SPATA31H1: variants seen among roughly 807,000 people sequenced by gnomAD.
SPATA31H1 encodes the protein spermatogenesis-associated protein 31H1.
the SPATA31H1 span, among the ~76,000 whole-genome samples, chr2:27,544,851 A>G: frequency 6.6e-6 from 1 of 151,868 alleles, no homozygotes; most frequent in South Asian, 2.1e-4. Context: ...TCCGGCCGAC[A>G]ACAACAAATT....
At chr2:27,573,253 G>A in the SPATA31H1 span, 1,707 of 398,096 alleles carry the variant, frequency 4.3e-3, 22 homozygotes, top group African/African-American at 0.032. Flanking sequence ...TTGCAGAAAG[G>A]GAAAATTCTG....
At chr2:27,578,818 A>T in the SPATA31H1 span, 1 of 1,614,154 alleles carries the variant, frequency 6.2e-7, no homozygotes, top group Non-Finnish European at 8.5e-7. Flanking sequence ...ACAGCATCTG[A>T]ATTAGGAGGA....
chr2:27,581,540 T>A, the SPATA31H1 span: 1 of 1,546,492 alleles, frequency 6.5e-7, no homozygotes, highest in Non-Finnish European at 8.8e-7. Flanking sequence ...GCCATCGCAG[T>A]CCCTCAGAGA....
the SPATA31H1 span, chr2:27,582,406 TC>T: frequency 1.7e-5 from 27 of 1,614,066 alleles, no homozygotes; most frequent in Non-Finnish European, 2.3e-5. Context: ...AAGTACAGTT[TC>T]CCTGGAGAGA....
chr2:27,543,141 G>T, the SPATA31H1 span, among the ~76,000 whole-genome samples: 7 of 151,952 alleles, frequency 4.6e-5, no homozygotes, highest in African/African-American at 1.7e-4. Context: ...AAAGCTAATT[G>T]TGTCACTCTG....
At chr2:27,581,484 C>A in the SPATA31H1 span, 1 of 1,612,538 alleles carries the variant, frequency 6.2e-7, no homozygotes, top group Non-Finnish European at 8.5e-7. Context: ...TCAGAGGAGC[C>A]ATCGCGGTCC....
the SPATA31H1 span, chr2:27,577,699 T>C: frequency 6.2e-7 from 1 of 1,614,094 alleles, no homozygotes; most frequent in Non-Finnish European, 8.5e-7. This position sits in a 1 kb window ranked among gnomAD's most constrained non-coding sequence, Gnocchi z 4.5. Context: ...GAGAAAACTT[T>C]GCAATTAACC....
At chr2:27,539,205 A>AT in the SPATA31H1 span, among the ~76,000 whole-genome samples, 1 of 147,526 alleles carries the variant, frequency 6.8e-6, no homozygotes, top group Non-Finnish European at 1.5e-5. Context: ...AGGTCAGTAG[A>AT]TAAACAAGTG....
the SPATA31H1 span, among the ~76,000 whole-genome samples, chr2:27,558,938 A>T: frequency 7.4e-5 from 10 of 134,354 alleles, no homozygotes; most frequent in African/African-American, 2.8e-4. Flanking sequence ...GGAGAGGGAG[A>T]GGGAGAGGGA....
the SPATA31H1 span, chr2:27,571,426 T>C: frequency 7.5e-6 from 3 of 398,476 alleles, no homozygotes; most frequent in East Asian, 1.1e-4. Flanking sequence ...GTCAAATCTG[T>C]GGAATTCACC....
At chr2:27,572,102 C>T in the SPATA31H1 span, 3 of 398,402 alleles carry the variant, frequency 7.5e-6, no homozygotes, top group Non-Finnish European at 1.3e-5. Context: ...TCAAGTCTGA[C>T]CTACAGTCGA....
chr2:27,581,213 G>A, the SPATA31H1 span: 1 of 1,614,230 alleles, frequency 6.2e-7, no homozygotes, highest in African/African-American at 1.3e-5. Flanking sequence ...TCTATAGGGA[G>A]AGAACCCCAC....
the SPATA31H1 span, among the ~76,000 whole-genome samples, chr2:27,563,094 C>T: frequency 6.6e-6 from 1 of 151,776 alleles, no homozygotes; most frequent in Non-Finnish European, 1.5e-5. Context: ...TGAAGAATAT[C>T]TTTTATTAAA....
At chr2:27,539,254 G>C in the SPATA31H1 span, among the ~76,000 whole-genome samples, 7 of 149,806 alleles carry the variant, frequency 4.7e-5, no homozygotes, top group African/African-American at 1.8e-4. Flanking sequence ...AGGACCCTGC[G>C]GCCTTCCGGC....
chr2:27,568,192 C>A, the SPATA31H1 span: 7 of 398,838 alleles, frequency 1.8e-5, no homozygotes, highest in Non-Finnish European at 2.7e-5. Context: ...ACTCCAACAC[C>A]ACGATATCAA....
At chr2:27,578,758 C>T in the SPATA31H1 span, 1 of 1,614,114 alleles carries the variant, frequency 6.2e-7, no homozygotes, top group Non-Finnish European at 8.5e-7. Context: ...ACTGACTTCT[C>T]TAGGTTCCTA....
chr2:27,568,158 C>G, the SPATA31H1 span: 2 of 398,920 alleles, frequency 5.0e-6, no homozygotes, highest in Non-Finnish European at 8.8e-6. Context: ...CAAATCACAT[C>G]CATGTATAGA....
At chr2:27,579,213 A>G in the SPATA31H1 span, 1 of 1,614,192 alleles carries the variant, frequency 6.2e-7, no homozygotes, top group Non-Finnish European at 8.5e-7. Context: ...TCATGCCTGG[A>G]GGCAGCGACT....
At chr2:27,545,097 A>G in the SPATA31H1 span, among the ~76,000 whole-genome samples, 1 of 151,168 alleles carries the variant, frequency 6.6e-6, no homozygotes, top group African/African-American at 2.4e-5. Flanking sequence ...ATCTCGGCTC[A>G]CTGCAACCTC....
Sources: gnomAD v4.1 joint callset for allele counts (sites outside exome capture counted in the v4.1 genomes callset) on GRCh38, gnomAD v4.1.1 for gene constraint, Gnocchi (gnomAD v3.1) non-coding constraint, MANE v1.5 for transcripts, NCBI Gene and HGNC (gene_info 2026-07-23, HGNC 2026-07-21) for gene names.